The following DCC variants were observed in gnomAD, a reference collection of about 807,000 sequenced individuals.
DCC encodes the protein DCC netrin 1 receptor.
A neutral mutation model predicts 172.5 loss-of-function variants in DCC; 58 were observed. That is an observed-to-expected ratio of 0.34 (90% CI 0.27 to 0.42). DCC has a LOEUF of 0.42. Ranked by LOEUF, DCC falls within the 10% of genes least tolerant of loss-of-function variation. The pLI is 1.00. For missense variants in DCC, 1,740 were observed against 1,791.0 expected (o/e 0.97, Z 0.51); for synonymous variants, 709 against 644.5 (o/e 1.10, Z -1.52).
intron 1 of DCC, among the ~76,000 whole-genome samples, chr18:52,742,734 A>T (rs757843043): frequency 1.3e-5 from 2 of 148,900 alleles, no homozygotes; most frequent in African/African-American, 2.4e-5. Flanking sequence ...AAAAGCAAGC[A>T]ATTTTCCAAG....
chr18:52,953,030 T>TAAAA, intron 5 of DCC, among the ~76,000 whole-genome samples: 1 of 81,360 alleles, frequency 1.2e-5, no homozygotes, highest in East Asian at 3.5e-4. Context: ...AAAAAAAAAC[T>TAAAA]CATAACATTG....
At chr18:53,362,811 G>A (rs1269079421) in intron 15 of DCC, among the ~76,000 whole-genome samples, 4 of 152,144 alleles carry the variant, frequency 2.6e-5, no homozygotes, top group Non-Finnish European at 5.9e-5. Flanking sequence ...ACTAAAAGAA[G>A]TAGATATTAT....
intron 1 of DCC, among the ~76,000 whole-genome samples, chr18:52,724,942 T>C (rs1229461192): frequency 5.3e-5 from 8 of 152,196 alleles, no homozygotes; most frequent in Non-Finnish European, 1.2e-4. Context: ...ATGTTTCCAT[T>C]TGAAACTTCA....
intron 15 of DCC, among the ~76,000 whole-genome samples, chr18:53,377,826 A>G (rs987809015): frequency 2.2e-4 from 33 of 152,294 alleles, no homozygotes; most frequent in African/African-American, 7.5e-4. Flanking sequence ...CGCATCCACA[A>G]TGAACTGTGC....
chr18:52,668,382 A>T (rs917153650), intron 1 of DCC, among the ~76,000 whole-genome samples: 2 of 152,216 alleles, frequency 1.3e-5, no homozygotes, highest in South Asian at 4.1e-4. Context: ...GGTACAGAAC[A>T]AAAAGGGCAT....
intron 12 of DCC, among the ~76,000 whole-genome samples, chr18:53,298,026 G>T (rs2057088005): frequency 6.6e-6 from 1 of 152,116 alleles, no homozygotes; most frequent in Non-Finnish European, 1.5e-5. Flanking sequence ...ATTAATTGCT[G>T]CTTGGCATCG....
At chr18:52,624,478 C>G (rs574260777) in intron 1 of DCC, among the ~76,000 whole-genome samples, 3 of 152,228 alleles carry the variant, frequency 2.0e-5, no homozygotes, top group Admixed American at 2.0e-4. Flanking sequence ...ACTTAAACTT[C>G]TGTGGGGTTT....
intron 2 of DCC, among the ~76,000 whole-genome samples, chr18:52,800,349 A>G (rs557156533): frequency 6.6e-6 from 1 of 152,360 alleles, no homozygotes; most frequent in African/African-American, 2.4e-5. Context: ...GTTTTTACAG[A>G]CTGATGGAAT....
chr18:53,534,853 T>C lies in DCC; in HGVS notation c.*4200T>C, dbSNP rs2046557153. The C allele has an allele frequency of 6.6e-6, 1 of 152,228 alleles. No homozygotes were observed. 9.4% of individuals were successfully genotyped at this position (152,228 alleles called of 1,614,324 possible). A position where few individuals can be genotyped will look rare whatever the true frequency, so the allele number is the denominator to read the frequency against. ...TCATCTGGACTCTTCGTTGCCACTATTGCATAACGTTCACGTGGCAGACTT... is the reference window on the plus strand; with the variant it reads ...TCATCTGGACTCTTCGTTGCCACTACTGCATAACGTTCACGTGGCAGACTT... On this transcript the variant is annotated 3_prime_UTR_variant, in exon 29 of 29. Coordinates refer to ENST00000442544, the MANE Select transcript of DCC (RefSeq NM_005215.4).
intron 5 of DCC, among the ~76,000 whole-genome samples, chr18:53,001,833 T>C (rs2041568939): frequency 6.6e-6 from 1 of 152,100 alleles, no homozygotes; most frequent in African/African-American, 2.4e-5. Flanking sequence ...CTTATCCTGG[T>C]CACCTAATGC....
chr18:53,199,701 T>G (rs906682924), intron 9 of DCC, among the ~76,000 whole-genome samples: 2 of 152,046 alleles, frequency 1.3e-5, no homozygotes, highest in African/African-American at 4.8e-5. Flanking sequence ...TGAGTAAGCA[T>G]TTAATAGCTC....
intron 2 of DCC, among the ~76,000 whole-genome samples, chr18:52,763,132 A>G (rs917133320): frequency 2.7e-5 from 4 of 150,400 alleles, no homozygotes; most frequent in Admixed American, 6.6e-5. Context: ...ATCTGCTTTA[A>G]AAAATCAGTT....
chr18:53,501,550 T>TTAA (rs1416027531), intron 27 of DCC, among the ~76,000 whole-genome samples: 2 of 152,278 alleles, frequency 1.3e-5, no homozygotes, highest in East Asian at 3.9e-4. Context: ...CACTCACATT[T>TTAA]TAATGAGGAA....
chr18:53,197,962 A>G (rs569551365), intron 9 of DCC, among the ~76,000 whole-genome samples: 23 of 152,318 alleles, frequency 1.5e-4, no homozygotes, highest in African/African-American at 5.0e-4. Flanking sequence ...GAATTAAAGC[A>G]GATGAATTCA....
intron 5 of DCC, among the ~76,000 whole-genome samples, chr18:52,959,770 C>T (rs1161696886): frequency 6.6e-6 from 1 of 152,050 alleles, no homozygotes; most frequent in Non-Finnish European, 1.5e-5. Flanking sequence ...GATATATCTG[C>T]TGTTTTTGCT....
At chr18:53,407,717 A>G (rs913879798) in intron 19 of DCC, among the ~76,000 whole-genome samples, 1 of 151,730 alleles carries the variant, frequency 6.6e-6, no homozygotes, top group African/African-American at 2.4e-5. Context: ...AAATGTGTGT[A>G]TGTACACACA....
intron 1 of DCC, among the ~76,000 whole-genome samples, chr18:52,745,271 A>C (rs1349237952): frequency 6.6e-6 from 1 of 152,250 alleles, no homozygotes; most frequent in Non-Finnish European, 1.5e-5. Flanking sequence ...CAAATTACAC[A>C]AATTCCTCAA....
intron 1 of DCC, among the ~76,000 whole-genome samples, chr18:52,485,220 TG>T (rs1355680160): frequency 6.6e-6 from 1 of 152,088 alleles, no homozygotes; most frequent in Non-Finnish European, 1.5e-5. Flanking sequence ...TAAAGAAATA[TG>T]GAACAGCCAG....
intron 25 of DCC, among the ~76,000 whole-genome samples, chr18:53,477,757 G>T (rs1207523850): frequency 6.6e-6 from 1 of 151,992 alleles, no homozygotes; most frequent in Non-Finnish European, 1.5e-5. Flanking sequence ...ATACTTTTTG[G>T]TTGAAAATAT....
Sources: gnomAD v4.1 joint callset for allele counts (sites outside exome capture counted in the v4.1 genomes callset) on GRCh38, gnomAD v4.1.1 for gene constraint, MANE v1.5 for transcripts, NCBI Gene and HGNC (gene_info 2026-07-23, HGNC 2026-07-21) for gene names.